PCCA: variants seen among roughly 807,000 people sequenced by gnomAD.
PCCA encodes propionyl-CoA carboxylase subunit alpha.
PCCA carries 74 observed loss-of-function variants against 101.3 expected under a neutral mutation model. That is an observed-to-expected ratio of 0.73 (90% CI 0.61 to 0.89). The LOEUF (loss-of-function observed/expected upper bound fraction) is 0.89, where lower values mean the gene tolerates loss of function less well. PCCA is among the 40% of genes least tolerant of loss of function. The probability of loss-of-function intolerance (pLI) is 0.00; values close to 1 mark genes in which losing one functional copy is unlikely to be tolerated. For synonymous variants in PCCA, 294 were observed against 313.6 expected (o/e 0.94, Z 0.66); for missense variants, 891 against 907.0 (o/e 0.98, Z 0.23).
intron 6 of PCCA, among the ~76,000 whole-genome samples, chr13:100,174,870 A>G (rs556871033): frequency 7.0e-4 from 106 of 152,200 alleles, no homozygotes; most frequent in African/African-American, 2.4e-3. Context: ...TTGTCACACA[A>G]TAACATATTA....
chr13:100,163,513 T>A (rs2054711230), intron 6 of PCCA, among the ~76,000 whole-genome samples: 1 of 152,244 alleles, frequency 6.6e-6, no homozygotes, highest in Non-Finnish European at 1.5e-5. Context: ...TTGAAATAAT[T>A]CTGATGGTCT....
intron 21 of PCCA, among the ~76,000 whole-genome samples, chr13:100,501,642 G>T (rs1179887142): frequency 6.6e-6 from 1 of 152,178 alleles, no homozygotes; most frequent in African/African-American, 2.4e-5. Flanking sequence ...GGGAGGCCGA[G>T]GCGGGTGGCT....
At chr13:100,341,192 G>T (rs1033596556) in intron 18 of PCCA, among the ~76,000 whole-genome samples, 1 of 152,040 alleles carries the variant, frequency 6.6e-6, no homozygotes, top group Non-Finnish European at 1.5e-5. Flanking sequence ...GAGATGAGAA[G>T]ATATAGAATA....
At chr13:100,369,392 C>T (rs1186267881) in intron 19 of PCCA, among the ~76,000 whole-genome samples, 1 of 152,134 alleles carries the variant, frequency 6.6e-6, no homozygotes, top group Non-Finnish European at 1.5e-5. Context: ...TATAATTTCA[C>T]ACAAATAAGA....
intron 4 of PCCA, among the ~76,000 whole-genome samples, chr13:100,125,131 T>TGTG (rs1188588710): frequency 1.4e-5 from 1 of 69,156 alleles, no homozygotes; most frequent in Non-Finnish European, 2.6e-5. Flanking sequence ...AGGTGACCTT[T>TGTG]TATTTGTGTG....
chr13:100,176,474 T>C (rs918848207), intron 6 of PCCA, among the ~76,000 whole-genome samples: 5 of 152,192 alleles, frequency 3.3e-5, no homozygotes, highest in African/African-American at 1.2e-4. Flanking sequence ...GAAGGTACGT[T>C]TTGATATTGC....
At chr13:100,215,622 A>G (rs1447604438) in intron 7 of PCCA, among the ~76,000 whole-genome samples, 1 of 151,826 alleles carries the variant, frequency 6.6e-6, no homozygotes, top group Admixed American at 6.6e-5. Flanking sequence ...TGTATACTTT[A>G]TTTTATTTTT....
At chr13:100,496,191 T>C (rs750116026) in intron 21 of PCCA, among the ~76,000 whole-genome samples, 1 of 152,212 alleles carries the variant, frequency 6.6e-6, no homozygotes, top group Non-Finnish European at 1.5e-5. Flanking sequence ...ATTTTGCCAG[T>C]TTTCCTACTC....
Position 100,110,478 on chromosome 13 carries a change from C to T in PCCA, c.184-1363C>T, listed in dbSNP as rs562853488. On this transcript the variant is annotated intron_variant, in intron 2 of 23. Transcript: ENST00000376285. ...GTTAAATAGGTCATTAGTGGCAAAGCTGGACTTGGGTTTAGGTCTCTAGAT... is the reference window on the plus strand; with the variant it reads ...GTTAAATAGGTCATTAGTGGCAAAGTTGGACTTGGGTTTAGGTCTCTAGAT... Among the ~76,000 whole-genome samples the T allele has an allele frequency of 5.3e-5, 8 of 152,252 alleles. No homozygotes were observed. In the East Asian group the frequency reaches 9.6e-4, roughly 18 times the overall value.
Position 100,178,229 on chromosome 13 carries a change from G to A in PCCA, c.468+20889G>A, listed in dbSNP as rs377498070. On this transcript the variant is annotated intron_variant, in intron 6 of 23. Coordinates refer to ENST00000376285, the MANE Select transcript of PCCA (RefSeq NM_000282.4). ...GGTAGATTTTATTTCAACTTAAAAC[G>A]TAGAAAAGATGCTTAGGCAAATGAT... Among the ~76,000 whole-genome samples the A allele has an allele frequency of 1.0e-3, 152 of 152,266 alleles. 4 individuals are homozygous for A. In the South Asian group the frequency reaches 0.028, roughly 28 times the overall value.
At chr13:100,307,912 G>C (rs1377540596) in intron 15 of PCCA, among the ~76,000 whole-genome samples, 1 of 152,152 alleles carries the variant, frequency 6.6e-6, no homozygotes, top group East Asian at 1.9e-4. Flanking sequence ...AGCCTGGAGT[G>C]CAGTGGCACG....
chr13:100,429,702 G>A (rs541082158), intron 20 of PCCA, among the ~76,000 whole-genome samples: 1 of 152,040 alleles, frequency 6.6e-6, no homozygotes, highest in East Asian at 1.9e-4. Context: ...TGTCTTTCGG[G>A]TTCAAGCGAT....
At chr13:100,345,327 A>T (rs1566969604) in intron 18 of PCCA, among the ~76,000 whole-genome samples, 2 of 152,224 alleles carry the variant, frequency 1.3e-5, no homozygotes, top group African/African-American at 4.8e-5. Context: ...CACACAAATG[A>T]TAAGAAAGTG....
chr13:100,213,362 A>G (rs1467622525), intron 7 of PCCA, among the ~76,000 whole-genome samples: 1 of 152,166 alleles, frequency 6.6e-6, no homozygotes, highest in East Asian at 1.9e-4. Flanking sequence ...CCAACACTAT[A>G]CAAGAGTTCC....
intron 18 of PCCA, among the ~76,000 whole-genome samples, chr13:100,348,819 T>C (rs77485070): frequency 0.19 from 8,017 of 42,140 alleles, 370 homozygotes; most frequent in Middle Eastern, 0.25. Context: ...TTCCTTCCTT[T>C]CTTTCTTTTC....
intron 21 of PCCA, among the ~76,000 whole-genome samples, chr13:100,450,113 G>C (rs1245002068): frequency 6.6e-6 from 1 of 151,990 alleles, no homozygotes; most frequent in African/African-American, 2.4e-5. Flanking sequence ...GGCTTGGTGC[G>C]GCAGCTCACG....
At chr13:100,264,111 G>A (rs993159598) in intron 10 of PCCA, among the ~76,000 whole-genome samples, 1 of 106,616 alleles carries the variant, frequency 9.4e-6, no homozygotes, top group Non-Finnish European at 2.1e-5. Context: ...GTATATATAC[G>A]GTATCTGTAT....
chr13:100,482,655 C>T (rs181328823), intron 21 of PCCA, among the ~76,000 whole-genome samples: 1 of 152,368 alleles, frequency 6.6e-6, no homozygotes, highest in East Asian at 1.9e-4. Context: ...ATGGTGCAGT[C>T]TCAGCTCACT....
chr13:100,248,115 T>G (rs2061551930), intron 8 of PCCA, among the ~76,000 whole-genome samples: 1 of 152,180 alleles, frequency 6.6e-6, no homozygotes, highest in Non-Finnish European at 1.5e-5. Flanking sequence ...TTGGACTGGA[T>G]TTTTATTTTA....
Sources: allele counts gnomAD v4.1 joint callset (sites outside exome capture counted in the v4.1 genomes callset), GRCh38; gene constraint gnomAD v4.1.1; transcripts MANE v1.5; gene names NCBI Gene and HGNC (gene_info 2026-07-23, HGNC 2026-07-21).